The following SESN1 variants were observed in gnomAD, a reference collection of about 807,000 sequenced individuals.
SESN1 encodes sestrin-1.
A neutral mutation model predicts 59.3 loss-of-function variants in SESN1; 30 were observed. That is an observed-to-expected ratio of 0.51 (90% CI 0.38 to 0.69). The LOEUF (loss-of-function observed/expected upper bound fraction) is 0.69, where lower values mean the gene tolerates loss of function less well. Among genes scored for constraint, SESN1 ranks in the 30% least tolerant of loss-of-function variants. SESN1 has a pLI of 0.00. For missense variants in SESN1, 566 were observed against 673.0 expected (o/e 0.84, Z 1.76); for synonymous variants, 197 against 219.9 (o/e 0.90, Z 0.92).
chr6:109,033,596 T>C (rs891794145), intron 1 of SESN1, among the ~76,000 whole-genome samples: 1 of 152,136 alleles, frequency 6.6e-6, no homozygotes, highest in Non-Finnish European at 1.5e-5. Flanking sequence ...TTTGTAAAAA[T>C]GAGATCTAGA....
In SESN1 at chr6:108,985,886, G is replaced by GAAGAT. The variant is rs2128525537; in HGVS notation, c.*1653_*1657dup. On this transcript the variant is annotated 3_prime_UTR_variant, in exon 10 of 10. Coordinates refer to ENST00000436639, the MANE Select transcript of SESN1 (RefSeq NM_014454.3). ...AGTTTCTTTAAATATAAAACATATTGAAGATAATAATACTCTATTCCTAGC... is the reference window on the plus strand; with the variant it reads ...AGTTTCTTTAAATATAAAACATATTGAAGATAAGATAATAATACTCTATTCCTAGC... Among the ~76,000 whole-genome samples, 1 of 152,208 alleles carries GAAGAT rather than the reference G, an allele frequency of 6.6e-6. No individual in the cohort carries two copies. The highest frequency in any genetic ancestry group is 1.9e-4 in the East Asian group (1 of 5,178).
intron 5 of SESN1, among the ~76,000 whole-genome samples, chr6:108,997,837 CAGA>C (rs1779531905): frequency 6.6e-6 from 1 of 152,036 alleles, no homozygotes; most frequent in Non-Finnish European, 1.5e-5. Context: ...CAAAAGAATG[CAGA>C]AGGAGATTTT....
chr6:108,994,624 C>G lies in SESN1; in HGVS notation c.973-15G>C. ...GAATCACTTACCTGAAGAAAAAATA[C>G]AATTAATGTTACATGTGGCAGACAT... On this transcript the variant is annotated splice_polypyrimidine_tract_variant and intron_variant, in intron 5 of 9. Transcript: ENST00000436639. 1 of 1,498,038 alleles carries G rather than the reference C, an allele frequency of 6.7e-7. No homozygotes were observed. Among genetic ancestry groups the G allele is most frequent in the Non-Finnish European group, 9.0e-7 (1 of 1,108,206 alleles). The allele number at this position is 1,498,038 out of a possible 1,614,324, so 92.8% of individuals were successfully genotyped here.
intron 1 of SESN1, among the ~76,000 whole-genome samples, chr6:109,059,789 G>C (rs1310494096): frequency 2.0e-5 from 3 of 151,968 alleles, no homozygotes; most frequent in Non-Finnish European, 4.4e-5. Context: ...GCCCCTACCG[G>C]CCCTTCCAAT....
intron 1 of SESN1, among the ~76,000 whole-genome samples, chr6:109,045,903 G>A (rs1038788237): frequency 4.6e-5 from 7 of 152,142 alleles, no homozygotes; most frequent in Non-Finnish European, 8.8e-5. Context: ...TGTGAGGCAC[G>A]ATATGGAAGA....
At chr6:109,039,428 C>T (rs1382905633) in intron 1 of SESN1, among the ~76,000 whole-genome samples, 1 of 152,150 alleles carries the variant, frequency 6.6e-6, no homozygotes, top group East Asian at 1.9e-4. Flanking sequence ...GTCAAAGTAT[C>T]ATCATTGTAT....
chr6:109,063,030 A>G (rs1458853877), intron 1 of SESN1, among the ~76,000 whole-genome samples: 4 of 152,182 alleles, frequency 2.6e-5, no homozygotes, highest in Non-Finnish European at 5.9e-5. Flanking sequence ...AGTTGGTCTC[A>G]GGGAGAACGA....
In SESN1 at chr6:109,094,107, C is replaced by A; in HGVS notation, c.-34G>T. 6.4e-7 allele frequency: 1 copy of A among 1,562,568 alleles called. No individual in the cohort carries two copies. Among genetic ancestry groups the A allele is most frequent in the African/African-American group, 1.4e-5 (1 of 72,724 alleles). ...TTTTTCCTTTGCGGTCTTCAGTTAC[C>A]TTTCAGCATGCCCCAAAAAAATTGC... On this transcript the variant is annotated 5_prime_UTR_variant, in exon 1 of 10. It adds an upstream start codon to the 5' untranslated region. Transcript: ENST00000436639.
At chr6:109,009,087 G>T in intron 1 of SESN1, 1 of 827,822 alleles carries the variant, frequency 1.2e-6, no homozygotes, top group Non-Finnish European at 1.6e-6. Flanking sequence ...CATGACCGCG[G>T]CCGCAGTCTC....
intron 2 of SESN1, 94 bp downstream of exon 2, chr6:109,002,184 G>T: frequency 1.8e-6 from 2 of 1,082,634 alleles, no homozygotes; most frequent in South Asian, 1.3e-5. Context: ...AAAACATGTT[G>T]TTGACCAACA....
chr6:109,063,406 G>A (rs192552885), intron 1 of SESN1, among the ~76,000 whole-genome samples: 1 of 152,266 alleles, frequency 6.6e-6, no homozygotes, highest in East Asian at 1.9e-4. Flanking sequence ...TTTTCCATGA[G>A]CCATACCCAG....
chr6:109,053,857 A>G (rs1780584853), intron 1 of SESN1, among the ~76,000 whole-genome samples: 1 of 152,236 alleles, frequency 6.6e-6, no homozygotes, highest in African/African-American at 2.4e-5. Context: ...CAGGAATTTT[A>G]AAAGTGGTAG....
chr6:109,046,025 A>G (rs1357896827), intron 1 of SESN1, among the ~76,000 whole-genome samples: 1 of 152,206 alleles, frequency 6.6e-6, no homozygotes, highest in Non-Finnish European at 1.5e-5. Flanking sequence ...TAATTCATAT[A>G]CTTTGGAACA....
At chr6:109,082,824 G>A (rs953641362) in intron 1 of SESN1, among the ~76,000 whole-genome samples, 3 of 152,176 alleles carry the variant, frequency 2.0e-5, no homozygotes, top group African/African-American at 2.4e-5. Flanking sequence ...AGTCAATCAC[G>A]TAAAAATCAA....
chr6:109,013,498 G>A (rs770244565), intron 1 of SESN1, among the ~76,000 whole-genome samples: 4 of 152,098 alleles, frequency 2.6e-5, no homozygotes, highest in African/African-American at 4.8e-5. Flanking sequence ...TTCCCTGAGC[G>A]CATTAGGTCT....
At chr6:108,999,744 G>A (rs756995194) in intron 4 of SESN1, among the ~76,000 whole-genome samples, 1 of 152,094 alleles carries the variant, frequency 6.6e-6, no homozygotes, top group Non-Finnish European at 1.5e-5. Flanking sequence ...TAGGCTTACC[G>A]TATTATCCAC....
chr6:109,093,005 T>C (rs1037871156), intron 1 of SESN1, among the ~76,000 whole-genome samples: 7 of 152,176 alleles, frequency 4.6e-5, no homozygotes, highest in South Asian at 2.1e-4. Flanking sequence ...AATGTAAAGA[T>C]TGACAAGCAT....
chr6:109,093,802 C>A lies in SESN1; in HGVS notation c.272G>T (p.Ser91Ile). The A allele has an allele frequency of 6.2e-7, 1 of 1,612,902 alleles. No homozygotes were observed. The highest frequency in any genetic ancestry group is 8.5e-7 in the Non-Finnish European group (1 of 1,179,040). The change falls in exon 1 of 10, where the codon AGC (serine) becomes ATC (isoleucine). Residue 91 changes from serine (S) to isoleucine (I), a missense_variant. Coordinates refer to ENST00000436639, the MANE Select transcript of SESN1 (RefSeq NM_014454.3). ...VREKSEFILK[S>I]IQELGIRIPR... ...TAAAATGCTCTTCCTTACCTGGATG[C>A]TCTTCAGAATAAACTCACTTTTCTC...
intron 1 of SESN1, among the ~76,000 whole-genome samples, chr6:109,013,631 G>A (rs2114353889): frequency 6.6e-6 from 1 of 152,276 alleles, no homozygotes; most frequent in African/African-American, 2.4e-5. Context: ...CTATAGATTT[G>A]CACATCTCCT....
Sources: gnomAD v4.1 joint callset for allele counts (sites outside exome capture counted in the v4.1 genomes callset) on GRCh38, gnomAD v4.1.1 for gene constraint, MANE v1.5 for transcripts, NCBI Gene and HGNC (gene_info 2026-07-23, HGNC 2026-07-21) for gene names.